TMEM114: variants seen among roughly 807,000 people sequenced by gnomAD.
TMEM114 encodes the protein transmembrane protein 114.
A neutral mutation model predicts 6.2 loss-of-function variants in TMEM114; 6 were observed. That is an observed-to-expected ratio of 0.97 (90% CI 0.53 to 1.91). The LOEUF (loss-of-function observed/expected upper bound fraction) is 1.91. Among genes scored for constraint, TMEM114 ranks in the 40% most tolerant of loss-of-function variants. TMEM114 has a pLI of 0.01. For synonymous variants in TMEM114, 104 were observed against 73.0 expected (o/e 1.42, Z -2.16); for missense variants, 218 against 158.3 (o/e 1.38, Z -2.02).
chr16:8,552,529 C>A (rs1900879685), intron 2 of TMEM114, among the ~76,000 whole-genome samples: 1 of 151,952 alleles, frequency 6.6e-6, no homozygotes, highest in Admixed American at 6.6e-5. Context: ...CACACACACA[C>A]AAAGATAAGA....
At chr16:8,580,364 C>G (rs1347920086) in intron 2 of TMEM114, among the ~76,000 whole-genome samples, 9 of 151,816 alleles carry the variant, frequency 5.9e-5, no homozygotes, top group Non-Finnish European at 1.2e-4. Context: ...ATGTGCACCT[C>G]TAATCCCAGC....
chr16:8,534,705 A>G (rs1219531434), downstream of TMEM114, among the ~76,000 whole-genome samples: 1 of 152,236 alleles, frequency 6.6e-6, no homozygotes, highest in Non-Finnish European at 1.5e-5. Flanking sequence ...TTTGATCCTC[A>G]GGACTCTCAC....
At chr16:8,538,633 C>A (rs9939771) in intron 2 of TMEM114, among the ~76,000 whole-genome samples, 2 of 151,692 alleles carry the variant, frequency 1.3e-5, no homozygotes, top group African/African-American at 2.4e-5. Flanking sequence ...TCAGCCTCCC[C>A]AGCAGCTGCG....
chr16:8,540,713 G>T (rs1225977217), intron 2 of TMEM114, among the ~76,000 whole-genome samples: 1 of 152,182 alleles, frequency 6.6e-6, no homozygotes, highest in African/African-American at 2.4e-5. Context: ...GACAGACATA[G>T]TTCCTATCTT....
chr16:8,560,755 C>T (rs992873105), intron 2 of TMEM114, among the ~76,000 whole-genome samples: 1 of 152,150 alleles, frequency 6.6e-6, no homozygotes, highest in Non-Finnish European at 1.5e-5. Context: ...TGTCTGGGAT[C>T]CCCCATCAGC....
At chr16:8,556,694 G>T (rs1408942188) in intron 2 of TMEM114, among the ~76,000 whole-genome samples, 1 of 152,182 alleles carries the variant, frequency 6.6e-6, no homozygotes, top group Non-Finnish European at 1.5e-5. Flanking sequence ...GTAGAGATGG[G>T]GTTTCACCAT....
intron 3 of TMEM114, 89 bp downstream of exon 3, chr16:8,571,998 T>C: frequency 7.1e-7 from 1 of 1,400,902 alleles, no homozygotes; most frequent in Non-Finnish European, 9.4e-7. Context: ...GGCCCTGGGA[T>C]CCCCCTCGTT....
chr16:8,580,183 T>A (rs983503715), intron 2 of TMEM114, among the ~76,000 whole-genome samples: 1 of 152,082 alleles, frequency 6.6e-6, no homozygotes, highest in East Asian at 1.9e-4. Flanking sequence ...CATGATAACA[T>A]TCTTCTTAGA....
At position 8,562,118 on chromosome 16, in the gene TMEM114, A is replaced by AAGCGAATGAGTG. The variant is rs1567201992; in HGVS notation, n.213-24293_213-24292insCACTCATTCGCT. ...TGAGTGAATGAGTGAGCGAATAAGT[A>AAGCGAATGAGTG]AGTGAATGAGTGAGTGAATGAGTGA... is the stretch of plus-strand genomic sequence containing the variant. On this transcript the variant is annotated intron_variant and non_coding_transcript_variant, in intron 2 of 2. Coordinates refer to the TMEM114 transcript ENST00000623677. Among the ~76,000 whole-genome samples the AAGCGAATGAGTG allele has an allele frequency of 1.3e-3, 166 of 129,138 alleles. 4 individuals are homozygous for AAGCGAATGAGTG. The highest frequency in any genetic ancestry group is 5.0e-3 in the African/African-American group (161 of 32,430). The allele number at this position is 129,138 out of a possible 152,430, so 84.7% of individuals were successfully genotyped here.
downstream of TMEM114, among the ~76,000 whole-genome samples, chr16:8,535,645 T>G (rs145422332): frequency 6.6e-6 from 1 of 152,340 alleles, no homozygotes; most frequent in Admixed American, 6.5e-5. Flanking sequence ...GGCACTGATC[T>G]TATGAGTTCT....
At chr16:8,541,573 C>CACTT (rs1406067054) in intron 2 of TMEM114, among the ~76,000 whole-genome samples, 1 of 152,098 alleles carries the variant, frequency 6.6e-6, no homozygotes, top group South Asian at 2.1e-4. Context: ...CATGAAGCTT[C>CACTT]ATTCCAGTCC....
At chr16:8,565,110 T>G (rs1313914648), downstream of TMEM114, among the ~76,000 whole-genome samples, 1 of 151,640 alleles carries the variant, frequency 6.6e-6, no homozygotes, top group East Asian at 1.9e-4. Context: ...AGTGAATAAG[T>G]GAGTGAGTGA....
intron 2 of TMEM114, among the ~76,000 whole-genome samples, chr16:8,562,569 T>TGAGG (rs1901288897): frequency 2.0e-4 from 29 of 148,160 alleles, no homozygotes; most frequent in South Asian, 2.1e-4. Context: ...AATGAGTGAG[T>TGAGG]GAATGAGTGA....
the TMEM114 span, among the ~76,000 whole-genome samples, chr16:8,529,139 A>G: frequency 1.1e-4 from 17 of 152,214 alleles, no homozygotes; most frequent in Non-Finnish European, 2.5e-4. Flanking sequence ...GGCTAGGGTG[A>G]GAAGCAAGGA....
At chr16:8,534,744 A>G (rs1402322821), downstream of TMEM114, among the ~76,000 whole-genome samples, 2 of 152,226 alleles carry the variant, frequency 1.3e-5, no homozygotes, top group Non-Finnish European at 2.9e-5. Flanking sequence ...TACTTGGCAC[A>G]TGGTCAACAT....
chr16:8,572,148 C>G lies in TMEM114; in HGVS notation c.378G>C (p.Leu126=), dbSNP rs1203056461. ...LMVFGGMTGF[L]SFLLQAYLLL... ...GGAGGTAGGCTTGGAGGAGGAAGCT[C>G]AGAAACCCCGTCATCCCCCCAAAAA... The change falls in exon 3 of 4, where the codon CTG becomes CTC. Residue 126 remains leucine, a synonymous_variant. Transcript: ENST00000620492. 5 of 1,551,510 alleles carry G rather than the reference C, an allele frequency of 3.2e-6. No individual in the cohort carries two copies. In the Admixed American group the frequency reaches 5.9e-5, roughly 18 times the overall value.
In TMEM114 at chr16:8,572,231, A is replaced by G; in HGVS notation, c.302-7T>C. On this transcript the variant is annotated splice_region_variant and splice_polypyrimidine_tract_variant and intron_variant, in intron 2 of 3. Transcript: ENST00000620492. ...ACAAATGTCCCATGCATGGCTTAGAAGAGACAGAGAGGATACCAGGCAGAG... is the reference window on the plus strand; with the variant it reads ...ACAAATGTCCCATGCATGGCTTAGAGGAGACAGAGAGGATACCAGGCAGAG... The G allele has an allele frequency of 1.3e-6, 2 of 1,551,658 alleles. No homozygotes were observed. Among genetic ancestry groups the G allele is most frequent in the Non-Finnish European group, 8.7e-7 (1 of 1,146,980 alleles).
intron 2 of TMEM114, among the ~76,000 whole-genome samples, chr16:8,552,022 C>G (rs1489583138): frequency 2.0e-5 from 3 of 152,100 alleles, no homozygotes; most frequent in African/African-American, 4.8e-5. Flanking sequence ...ATAACATTCT[C>G]AAAATTACAG....
chr16:8,563,230 T>G (rs1429936416), intron 2 of TMEM114, among the ~76,000 whole-genome samples: 1 of 151,436 alleles, frequency 6.6e-6, no homozygotes, highest in Non-Finnish European at 1.5e-5. Flanking sequence ...AGTAAGTGAA[T>G]GAGTGAGTGA....
Sources: gnomAD v4.1 joint callset for allele counts (sites outside exome capture counted in the v4.1 genomes callset) on GRCh38, gnomAD v4.1.1 for gene constraint, MANE v1.5 for transcripts, NCBI Gene and HGNC (gene_info 2026-07-23, HGNC 2026-07-21) for gene names.